The following PECAM1 variants were observed in gnomAD, a reference collection of about 807,000 sequenced individuals.
PECAM1 encodes the protein platelet endothelial cell adhesion molecule.
In PECAM1, 8 loss-of-function variants were observed where a neutral mutation model predicts 13.8. The ratio of observed to expected loss-of-function variants is 0.58; its 90% CI spans 0.34 to 1.05. The LOEUF is 1.05. PECAM1 is among the 50% of genes least tolerant of loss of function. PECAM1 has a pLI of 0.03. For missense variants in PECAM1, 304 were observed against 141.2 expected (o/e 2.15, Z -5.84); for synonymous variants, 136 against 52.6 (o/e 2.58, Z -6.86).
rs2035746585 is a variant in PECAM1, at chr17:64,352,400, G to A, written c.1980C>T (p.Asn660=). The part of the protein sequence containing the change: ...EKMSDPNMEA[N]SHYGHNDDVR... Reference sequence around the variant, plus strand: ...AGAACATGACTTTACCGTAATGACTGTTAGCTTCCATATTGGGATCTGACA... The same window carrying A: ...AGAACATGACTTTACCGTAATGACTATTAGCTTCCATATTGGGATCTGACA... Residue 660 remains asparagine, a synonymous_variant, in exon 11 of 16, where the codon AAC becomes AAT. Coordinates refer to ENST00000563924, the MANE Select transcript of PECAM1 (RefSeq NM_000442.5). 3 of 475,188 alleles carry A rather than the reference G, an allele frequency of 6.3e-6. No homozygotes were observed. The highest frequency in any genetic ancestry group is 1.2e-5 in the Non-Finnish European group (3 of 258,982). 29.4% of individuals were successfully genotyped at this position (475,188 alleles called of 1,614,324 possible). A position where few individuals can be genotyped will look rare whatever the true frequency, so the allele number is the denominator to read the frequency against.
chr17:64,362,416 G>A (rs2036003709), intron 6 of PECAM1, among the ~76,000 whole-genome samples: 3 of 152,160 alleles, frequency 2.0e-5, no homozygotes. Context: ...TTGGGAGGCT[G>A]AGGCAGGCAG....
intron 14 of PECAM1, among the ~76,000 whole-genome samples, chr17:64,332,647 G>C (rs1460041198): frequency 2.0e-5 from 3 of 152,202 alleles, no homozygotes; most frequent in African/African-American, 7.2e-5. Flanking sequence ...CACAGGATGG[G>C]TGGGGACTGA....
chr17:64,322,805 T>A lies in PECAM1; in HGVS notation c.*1011A>T. The A allele has an allele frequency of 1.8e-6, 1 of 550,810 alleles. No homozygotes were observed. The highest frequency in any genetic ancestry group is 6.3e-5 in the Admixed American group (1 of 15,754). 34.1% of individuals were successfully genotyped at this position (550,810 alleles called of 1,614,324 possible). ...ATCTCCGCTCACTACAACCTCCGTT[T>A]CCTGGGTTCAAGCGATAATCTCACC... On this transcript the variant is annotated 3_prime_UTR_variant, in exon 16 of 16. Transcript: ENST00000563924.
intron 3 of PECAM1, 54 bp from the exon 4 acceptor site, chr17:64,375,410 T>G (rs2036334198): frequency 2.4e-6 from 1 of 415,220 alleles, no homozygotes. Context: ...AGAAAGTCTG[T>G]CAGTATCAGC....
At chr17:64,385,585 G>A (rs1192210871) in intron 2 of PECAM1, among the ~76,000 whole-genome samples, 8 of 152,086 alleles carry the variant, frequency 5.3e-5, no homozygotes, top group African/African-American at 1.9e-4. Context: ...TGAGACATGT[G>A]TCGAGAACCT....
chr17:64,359,589 C>T (rs906802468), intron 7 of PECAM1, among the ~76,000 whole-genome samples: 2 of 152,140 alleles, frequency 1.3e-5, no homozygotes, highest in Admixed American at 6.6e-5. Context: ...AGTCAGGACA[C>T]TTTCATGCTT....
intron 13 of PECAM1, among the ~76,000 whole-genome samples, chr17:64,343,346 C>T (rs934048590): frequency 3.3e-5 from 5 of 152,030 alleles, no homozygotes; most frequent in African/African-American, 7.2e-5. Context: ...TGGAGCTTCA[C>T]GCATGTACCA....
chr17:64,380,958 C>T (rs892977375), intron 2 of PECAM1, among the ~76,000 whole-genome samples: 45 of 151,858 alleles, frequency 3.0e-4, no homozygotes, highest in African/African-American at 7.5e-4. Flanking sequence ...CTGCACTGGG[C>T]GACAGAATAA....
At chr17:64,375,656 CA>C (rs1194155024) in intron 3 of PECAM1, among the ~76,000 whole-genome samples, 52 of 140,644 alleles carry the variant, frequency 3.7e-4, no homozygotes, top group East Asian at 2.7e-3. Flanking sequence ...GCTATCTCTA[CA>C]AAAAAAAAAA....
intron 2 of PECAM1, among the ~76,000 whole-genome samples, chr17:64,378,532 C>T (rs2036413424): frequency 6.6e-6 from 1 of 151,974 alleles, no homozygotes; most frequent in Admixed American, 6.6e-5. Flanking sequence ...ATCCCAGCTA[C>T]TTGAGAGGCT....
intron 5 of PECAM1, among the ~76,000 whole-genome samples, chr17:64,369,384 C>G (rs2036187249): frequency 6.6e-6 from 1 of 152,152 alleles, no homozygotes; most frequent in African/African-American, 2.4e-5. Flanking sequence ...GAGTCTTACT[C>G]TGTACAAATC....
chr17:64,379,717 A>C (rs935648237), intron 2 of PECAM1, among the ~76,000 whole-genome samples: 4 of 152,174 alleles, frequency 2.6e-5, no homozygotes, highest in African/African-American at 9.7e-5. Context: ...CATGTTCTAT[A>C]CATGGCTAAA....
intron 7 of PECAM1, 83 bp from the exon 8 acceptor site, chr17:64,356,481 T>G (rs1303747235): frequency 9.7e-6 from 4 of 411,226 alleles, no homozygotes; most frequent in Non-Finnish European, 1.3e-5. Flanking sequence ...CAACTTTTTT[T>G]TTTTTCCTCT....
intron 15 of PECAM1, among the ~76,000 whole-genome samples, 198 bp downstream of exon 15, chr17:64,329,502 T>C (rs1339306158): frequency 6.6e-6 from 1 of 152,138 alleles, no homozygotes; most frequent in African/African-American, 2.4e-5. Context: ...GGCTGAGATG[T>C]AATGATGGAA....
At chr17:64,338,861 AG>A (rs1469707073) in intron 14 of PECAM1, among the ~76,000 whole-genome samples, 3 of 152,116 alleles carry the variant, frequency 2.0e-5, no homozygotes, top group Non-Finnish European at 4.4e-5. Context: ...GATCAGCCTA[AG>A]ATGCTTTATA....
intron 14 of PECAM1, among the ~76,000 whole-genome samples, chr17:64,335,506 A>G (rs972893118): frequency 2.6e-5 from 4 of 152,222 alleles, no homozygotes; most frequent in Admixed American, 2.0e-4. Flanking sequence ...TGGTTTGGCA[A>G]CAAACAATGG....
Position 64,350,326 on chromosome 17 carries a change from C to CT in PECAM1, c.2044+53dup, listed in dbSNP as rs1239824948. 449 of 406,104 alleles carry CT rather than the reference C, an allele frequency of 1.1e-3. 4 individuals carry two copies. In the East Asian group the frequency reaches 0.012, roughly 11 times the overall value. The allele number at this position is 406,104 out of a possible 1,614,324, so 25.2% of individuals were successfully genotyped here. On this transcript the variant is annotated intron_variant, in intron 12 of 15. Transcript: ENST00000563924. The stretch of plus-strand genomic sequence containing the variant: ...GTTTTAGTTTTCTTTTCCTATGAGT[C>CT]TTTTTTTTAATGTAAAAGTTGGTTC...
intron 2 of PECAM1, among the ~76,000 whole-genome samples, chr17:64,380,447 TC>T (rs1207852841): frequency 7.9e-5 from 12 of 152,062 alleles, no homozygotes; most frequent in African/African-American, 2.9e-4. Context: ...TCCCTACACG[TC>T]CCCCCAGAAA....
At chr17:64,349,681 T>C (rs1014043149) in intron 12 of PECAM1, among the ~76,000 whole-genome samples, 57 of 150,888 alleles carry the variant, frequency 3.8e-4, no homozygotes, top group Middle Eastern at 3.5e-3. Context: ...GGTCAGGAGT[T>C]TGAGACCAGC....
Sources: allele counts gnomAD v4.1 joint callset (sites outside exome capture counted in the v4.1 genomes callset), GRCh38; gene constraint gnomAD v4.1.1; transcripts MANE v1.5; gene names NCBI Gene and HGNC (gene_info 2026-07-23, HGNC 2026-07-21).